XKR7: variants seen among roughly 807,000 people sequenced by gnomAD.
XKR7 encodes XK-related protein 7.
XKR7 carries 11 observed loss-of-function variants against 42.2 expected under a neutral mutation model. That is an observed-to-expected ratio of 0.26 (90% CI 0.16 to 0.43). The LOEUF is 0.43. Ranked by LOEUF, XKR7 falls within the 20% of genes least tolerant of loss-of-function variation. The pLI is 1.00. For synonymous variants in XKR7, 346 were observed against 366.4 expected, an observed-to-expected ratio of 0.94 and a Z score of 0.64; for missense variants, 710 against 802.2, an observed-to-expected ratio of 0.89 and a Z score of 1.39.
At chr20:31,989,821 C>T (rs1229888183) in intron 1 of XKR7, among the ~76,000 whole-genome samples, 1 of 152,220 alleles carries the variant, frequency 6.6e-6, no homozygotes, top group Non-Finnish European at 1.5e-5. Flanking sequence ...CTGTGATGCC[C>T]AGGCTGGTCT....
intron 1 of XKR7, among the ~76,000 whole-genome samples, chr20:31,992,014 G>A (rs754970875): frequency 6.6e-6 from 1 of 152,226 alleles, no homozygotes; most frequent in African/African-American, 2.4e-5. Flanking sequence ...CTACTCGGGA[G>A]GCTGAGGCAG....
intron 1 of XKR7, among the ~76,000 whole-genome samples, chr20:31,978,024 T>G (rs1022109796): frequency 2.0e-5 from 3 of 152,230 alleles, no homozygotes; most frequent in Non-Finnish European, 2.9e-5. Context: ...GACCACAGGT[T>G]GCAAATCAGT....
chr20:31,976,239 G>T (rs1486018759), intron 1 of XKR7, among the ~76,000 whole-genome samples: 1 of 152,194 alleles, frequency 6.6e-6, no homozygotes, highest in Non-Finnish European at 1.5e-5. Flanking sequence ...CAAAGCTAGG[G>T]TTTGAAGCCA....
Position 31,995,278 on chromosome 20 carries a change from C to A in XKR7, c.787+8C>A. The A allele has an allele frequency of 6.5e-7, 1 of 1,534,610 alleles. No individual in the cohort carries two copies. The highest frequency in any genetic ancestry group is 1.2e-5 in the South Asian group (1 of 83,848). On this transcript the variant is annotated splice_region_variant and intron_variant, in intron 2 of 2. Transcript: ENST00000562532. The surrounding 1 kb of genome is among the most constrained non-coding windows in gnomAD (Gnocchi z 4.1). Reference sequence around the variant, plus strand: ...CGCCCGACCTGCTGCCGGGTGAGCCCGCCCCTTCACCCTCTGCGCCTGGGA... The same window carrying A: ...CGCCCGACCTGCTGCCGGGTGAGCCAGCCCCTTCACCCTCTGCGCCTGGGA...
Position 31,995,075 on chromosome 20 carries a change from C to A in XKR7, c.592C>A (p.Arg198Ser). Residue 198 changes from arginine to serine, a missense_variant, in exon 2 of 3, where the codon CGC becomes AGC. Arg to Ser is a moderately radical substitution (Grantham distance 110, BLOSUM62 -1). Around this residue, in one of 2 missense-constraint regions of XKR7, gnomAD observed 708 missense variants for 786.2 expected, o/e 0.90. Coordinates refer to ENST00000562532, the MANE Select transcript of XKR7 (RefSeq NM_001011718.2). The surrounding 1 kb of genome is among the most constrained non-coding windows in gnomAD (Gnocchi z 4.1). ...LQLGQVWRYL[R>S]ALYLGLQSRW... ...ACCGCGTCCTTCCCGCAGGTACCTGCGCGCCCTGTACCTGGGGCTGCAGAG... is the reference window on the plus strand; with the variant it reads ...ACCGCGTCCTTCCCGCAGGTACCTGAGCGCCCTGTACCTGGGGCTGCAGAG... 2 of 1,545,550 alleles carry A rather than the reference C, an allele frequency of 1.3e-6. No homozygotes were observed. The highest frequency in any genetic ancestry group is 1.7e-6 in the Non-Finnish European group (2 of 1,146,816).
At chr20:31,974,176 G>C (rs1449057294) in intron 1 of XKR7, among the ~76,000 whole-genome samples, 1 of 152,096 alleles carries the variant, frequency 6.6e-6, no homozygotes, top group Non-Finnish European at 1.5e-5. Flanking sequence ...CTGGGTGACA[G>C]AGCAAGACTC....
In XKR7 at chr20:31,968,723, C is replaced by A; in HGVS notation, c.548C>A (p.Thr183Asn). ...CCRLCIWLLQ[T>N]LVHLLQLGQV... The stretch of plus-strand genomic sequence containing the variant: ...CGCCTCTGCATCTGGCTGCTGCAGA[C>A]CCTCGTCCACCTCCTGCAGCTCGGC... The change falls in exon 1 of 3, where the codon ACC becomes AAC. Residue 183 changes from threonine to asparagine, a missense_variant. By Grantham distance (65) the Thr-to-Asn change is moderately conservative (BLOSUM62 0). Around this residue, in one of 2 missense-constraint regions of XKR7, gnomAD observed 708 missense variants for 786.2 expected, o/e 0.90. Transcript: ENST00000562532. The surrounding 1 kb of genome is among the most constrained non-coding windows in gnomAD (Gnocchi z 4.5). The A allele has an allele frequency of 2.6e-6, 4 of 1,554,288 alleles. No homozygotes were observed. Among genetic ancestry groups the A allele is most frequent in the African/African-American group, 1.3e-5 (1 of 74,168 alleles).
rs759844306 is a variant in XKR7 at position 31,996,806 on chromosome 20, C to T, written c.1089C>T (p.Val363=). The T allele has an allele frequency of 1.9e-6, 3 of 1,613,742 alleles. No homozygotes were observed. Among genetic ancestry groups the T allele is most frequent in the Non-Finnish European group, 8.5e-7 (1 of 1,179,984 alleles). The change falls in exon 3 of 3, where the codon GTC becomes GTT. Residue 363 remains valine, a synonymous_variant. Coordinates refer to ENST00000562532, the MANE Select transcript of XKR7 (RefSeq NM_001011718.2). The stretch of plus-strand genomic sequence containing the variant: ...GGGAGGAGATCATCTACAACATGGT[C>T]GTGGGCATCATCTACATCTTCTGCT... ...SKWEEIIYNM[V]VGIIYIFCWF...
At chr20:31,987,904 AACTGAGCCAGGG>A (rs1384753945) in intron 1 of XKR7, among the ~76,000 whole-genome samples, 5 of 152,326 alleles carry the variant, frequency 3.3e-5, no homozygotes, top group East Asian at 1.9e-4. Flanking sequence ...AGGATTTTGG[AACTGAGCCAGGG>A]ACTGAGCCAG....
intron 1 of XKR7, among the ~76,000 whole-genome samples, chr20:31,976,527 T>C (rs569545964): frequency 7.2e-5 from 11 of 151,782 alleles, no homozygotes; most frequent in Admixed American, 2.0e-4. Flanking sequence ...TGGGATTACA[T>C]GTGCCCACCC....
intron 1 of XKR7, among the ~76,000 whole-genome samples, chr20:31,994,531 A>G (rs1386304424): frequency 1.3e-5 from 2 of 152,180 alleles, no homozygotes; most frequent in Non-Finnish European, 2.9e-5. Context: ...CAGCCTGGGC[A>G]ACATAGCCAG....
Position 31,996,593 on chromosome 20 carries a change from G to A in XKR7, c.876G>A (p.Arg292=). Residue 292 remains arginine, a synonymous_variant, in exon 3 of 3, where the codon CGG becomes CGA. Transcript: ENST00000562532. ...TGCGGGACTCGCGGGACGACAAGCG[G>A]CCGCTGTCCTACAAGGGCGCCGTGG... ...KVLRDSRDDK[R]PLSYKGAVAQ... 4 of 1,550,276 alleles carry A rather than the reference G, an allele frequency of 2.6e-6. No individual in the cohort carries two copies. The highest frequency in any genetic ancestry group is 1.2e-5 in the South Asian group (1 of 81,134).
rs541480417 is a variant in XKR7, at chr20:31,997,180, C to T, written c.1463C>T (p.Ser488Leu). ...ACAGGTGCTGAGCGGGATGGGGCCTCGGCGGGAGAGCGTGCAGGGACCCCC... is the reference window on the plus strand; with the variant it reads ...ACAGGTGCTGAGCGGGATGGGGCCTTGGCGGGAGAGCGTGCAGGGACCCCC... ...RTTGAERDGASAGERAGTPTP... is the reference protein window; with the variant it reads ...RTTGAERDGALAGERAGTPTP... Residue 488 changes from serine to leucine, a missense_variant, in exon 3 of 3, where the codon TCG (serine) becomes TTG (leucine). Ser to Leu is a moderately radical substitution (Grantham distance 145). Coordinates refer to ENST00000562532, the MANE Select transcript of XKR7 (RefSeq NM_001011718.2). 6.2e-7 allele frequency: 1 copy of T among 1,610,258 alleles called. No homozygotes were observed.
chr20:31,971,349 T>A lies in XKR7; in HGVS notation c.584+2590T>A, dbSNP rs192490209. Among the ~76,000 whole-genome samples the A allele has an allele frequency of 2.5e-4, 38 of 152,366 alleles. No homozygotes were observed. The East Asian group carries it at 7.1e-3, about 29-fold the overall frequency. Reference sequence around the variant, plus strand: ...CCTGTGTGTGAAATGAGATTCAATGTGATGACCTTAAGAGTTTCCCATTCC... The same window carrying A: ...CCTGTGTGTGAAATGAGATTCAATGAGATGACCTTAAGAGTTTCCCATTCC... On this transcript the variant is annotated intron_variant, in intron 1 of 2. Coordinates refer to ENST00000562532, the MANE Select transcript of XKR7 (RefSeq NM_001011718.2).
At chr20:31,991,504 C>A (rs571214839) in intron 1 of XKR7, among the ~76,000 whole-genome samples, 1 of 152,144 alleles carries the variant, frequency 6.6e-6, no homozygotes. Flanking sequence ...AAACCCCATC[C>A]TCTCCTGGCT....
chr20:31,997,126 C>T lies in XKR7; in HGVS notation c.1409C>T (p.Thr470Met), dbSNP rs777233390. 4 of 1,612,566 alleles carry T rather than the reference C, an allele frequency of 2.5e-6. No individual in the cohort carries two copies. Among genetic ancestry groups the T allele is most frequent in the Non-Finnish European group, 3.4e-6 (4 of 1,180,030 alleles). ...EPCGPPADAI[T>M]SPPRSLPRTT... ...TGTGGCCCACCCGCTGACGCCATCACGAGTCCCCCCAGGTCCCTGCCAAGG... is the reference window on the plus strand; with the variant it reads ...TGTGGCCCACCCGCTGACGCCATCATGAGTCCCCCCAGGTCCCTGCCAAGG... The change falls in exon 3 of 3, where the codon ACG (threonine) becomes ATG (methionine). Residue 470 changes from threonine (T) to methionine (M), a missense_variant. By Grantham distance (81) the Thr-to-Met change is moderately conservative. Around this residue, in one of 2 missense-constraint regions of XKR7, gnomAD observed 708 missense variants for 786.2 expected, o/e 0.90. Coordinates refer to ENST00000562532, the MANE Select transcript of XKR7 (RefSeq NM_001011718.2).
chr20:31,986,197 C>A (rs2064539169), intron 1 of XKR7, among the ~76,000 whole-genome samples: 1 of 142,120 alleles, frequency 7.0e-6, no homozygotes, highest in Non-Finnish European at 1.5e-5. Context: ...GACAGACAGA[C>A]AGACCACTAA....
At chr20:31,977,355 A>G (rs932666782) in intron 1 of XKR7, among the ~76,000 whole-genome samples, 1 of 152,188 alleles carries the variant, frequency 6.6e-6, no homozygotes, top group African/African-American at 2.4e-5. Context: ...GAGTTTTCCT[A>G]GGACTTGGAC....
chr20:31,984,882 A>G (rs546382936), intron 1 of XKR7, among the ~76,000 whole-genome samples: 2 of 152,178 alleles, frequency 1.3e-5, no homozygotes, highest in East Asian at 3.8e-4. Flanking sequence ...TAGATCTGGC[A>G]CTAACTTGCT....
Sources: gnomAD v4.1 joint callset for allele counts (sites outside exome capture counted in the v4.1 genomes callset) on GRCh38, gnomAD v4.1.1 for gene constraint, gnomAD v4.1.1 regional missense constraint, Gnocchi (gnomAD v3.1) non-coding constraint, MANE v1.5 for transcripts, NCBI Gene and HGNC (gene_info 2026-07-23, HGNC 2026-07-21) for gene names.